DPH6: variants seen among roughly 807,000 people sequenced by gnomAD.
The protein encoded by DPH6 is diphthamine biosynthesis 6.
A neutral mutation model predicts 38.2 loss-of-function variants in DPH6; 33 were observed. The observed-to-expected ratio is 0.86, with a 90% confidence interval of 0.65 to 1.15. The LOEUF (loss-of-function observed/expected upper bound fraction) is 1.15, where lower values mean the gene tolerates loss of function less well. Ranked by LOEUF, DPH6 falls within the 50% of genes most tolerant of loss-of-function variation. The probability of loss-of-function intolerance (pLI) is 0.00; values close to 1 mark genes in which losing one functional copy is unlikely to be tolerated. For synonymous variants in DPH6, 108 were observed against 103.0 expected (o/e 1.05, Z -0.30); for missense variants, 325 against 320.0 (o/e 1.02, Z -0.12).
intron 6 of DPH6, among the ~76,000 whole-genome samples, chr15:35,406,623 G>T (rs1023928687): frequency 3.9e-5 from 6 of 151,918 alleles, no homozygotes; most frequent in African/African-American, 1.2e-4. Flanking sequence ...AAGGACTTAG[G>T]TTCTTAGGAA....
the DPH6 span, among the ~76,000 whole-genome samples, chr15:35,169,036 A>C: frequency 6.6e-6 from 1 of 152,170 alleles, no homozygotes; most frequent in Non-Finnish European, 1.5e-5. Context: ...CTTTAAACAA[A>C]TTAAGTATAT....
intron 3 of DPH6, among the ~76,000 whole-genome samples, chr15:35,288,994 C>T (rs892658991): frequency 6.6e-6 from 1 of 152,044 alleles, no homozygotes; most frequent in African/African-American, 2.4e-5. Context: ...AAATAAAAGG[C>T]TTTTGGGGGT....
intron 3 of DPH6, among the ~76,000 whole-genome samples, chr15:35,533,095 G>A (rs1595449239): frequency 1.5e-5 from 2 of 134,536 alleles, no homozygotes; most frequent in South Asian, 2.9e-4. Context: ...TGACAAGAGC[G>A]ACACTCAGTC....
chr15:35,274,901 C>A (rs2051847451), intron 3 of DPH6, among the ~76,000 whole-genome samples: 3 of 151,888 alleles, frequency 2.0e-5, no homozygotes, highest in African/African-American at 7.3e-5. Context: ...GGTATATACC[C>A]AAAGAACTAT....
chr15:35,470,027 G>A (rs1446167460), intron 3 of DPH6, among the ~76,000 whole-genome samples: 8 of 152,038 alleles, frequency 5.3e-5, no homozygotes, highest in Admixed American at 5.2e-4. Context: ...GCGAAACCCT[G>A]TCTCTACTAA....
intron 6 of DPH6, among the ~76,000 whole-genome samples, chr15:35,395,679 T>C (rs1008768116): frequency 6.6e-6 from 1 of 152,222 alleles, no homozygotes; most frequent in African/African-American, 2.4e-5. Flanking sequence ...CTCCAGGTCA[T>C]GTGGGCATCT....
chr15:35,410,080 G>T (rs1381162124), intron 6 of DPH6, among the ~76,000 whole-genome samples: 6 of 151,740 alleles, frequency 4.0e-5, no homozygotes, highest in Admixed American at 4.0e-4. Context: ...CACAGCAGTG[G>T]TATTAACAAA....
At chr15:35,444,571 A>G (rs2053826504) in intron 5 of DPH6, among the ~76,000 whole-genome samples, 2 of 152,200 alleles carry the variant, frequency 1.3e-5, no homozygotes, top group South Asian at 4.1e-4. Flanking sequence ...TAGCTTGGCT[A>G]CTAGAACTGC....
rs1334637909 is a variant in DPH6 at position 35,538,409 on chromosome 15, G to T, written c.177C>A (p.Asp59Glu). ...GAAGAGCCATTGCTTCTGCATACAA[G>T]TCAATGGCATGGTGCCCCACTGTCT... ...MYQTVGHHAI[D>E]LYAEAMALPL... The change falls in exon 3 of 9, where the codon GAC becomes GAA. Residue 59 changes from aspartate (D) to glutamate (E), a missense_variant. Coordinates refer to ENST00000256538, the MANE Select transcript of DPH6 (RefSeq NM_080650.4). The T allele has an allele frequency of 6.2e-7, 1 of 1,606,460 alleles. No homozygotes were observed. The highest frequency in any genetic ancestry group is 8.5e-7 in the Non-Finnish European group (1 of 1,174,670).
intron 3 of DPH6, among the ~76,000 whole-genome samples, chr15:35,473,758 C>G (rs1034430518): frequency 6.6e-6 from 1 of 152,004 alleles, no homozygotes; most frequent in Non-Finnish European, 1.5e-5. Context: ...TGGGTACAAC[C>G]TAAATGCTCC....
intron 3 of DPH6, among the ~76,000 whole-genome samples, chr15:35,356,707 C>T (rs1595497882): frequency 6.6e-6 from 1 of 152,160 alleles, no homozygotes; most frequent in African/African-American, 2.4e-5. Flanking sequence ...TGAGGTGCCT[C>T]CCAGTTAGGC....
At chr15:35,474,483 T>C (rs2054240953) in intron 3 of DPH6, among the ~76,000 whole-genome samples, 1 of 152,138 alleles carries the variant, frequency 6.6e-6, no homozygotes, top group Non-Finnish European at 1.5e-5. Context: ...AGGCAGACTC[T>C]AGTTTCCAGA....
intron 3 of DPH6, among the ~76,000 whole-genome samples, chr15:35,346,322 A>G (rs952494068): frequency 6.6e-6 from 1 of 152,058 alleles, no homozygotes; most frequent in African/African-American, 2.4e-5. Context: ...ACTTAGTAAT[A>G]GATTTAACTT....
At chr15:35,504,840 G>A (rs1022000156) in intron 3 of DPH6, among the ~76,000 whole-genome samples, 3 of 151,982 alleles carry the variant, frequency 2.0e-5, no homozygotes, top group Non-Finnish European at 4.4e-5. Context: ...AAGTGCCAGT[G>A]AACAAAGAAC....
At chr15:35,525,949 G>C (rs570246172) in intron 3 of DPH6, among the ~76,000 whole-genome samples, 77 of 152,232 alleles carry the variant, frequency 5.1e-4, no homozygotes, top group African/African-American at 1.7e-3. Context: ...CTATCTTAAA[G>C]TAGTGCATTA....
chr15:35,458,541 C>T (rs576353697), intron 3 of DPH6, among the ~76,000 whole-genome samples: 13 of 152,238 alleles, frequency 8.5e-5, no homozygotes, highest in South Asian at 2.1e-4. Flanking sequence ...TAGCTAGGTT[C>T]GGGTCCTGAT....
At chr15:35,540,442 G>A (rs569852992) in intron 2 of DPH6, among the ~76,000 whole-genome samples, 2 of 152,078 alleles carry the variant, frequency 1.3e-5, no homozygotes, top group South Asian at 4.1e-4. Context: ...TCCTCACTAA[G>A]GTTTCTTTCA....
At chr15:35,512,879 A>T (rs1033805350) in intron 3 of DPH6, among the ~76,000 whole-genome samples, 3 of 152,132 alleles carry the variant, frequency 2.0e-5, no homozygotes, top group African/African-American at 7.2e-5. Flanking sequence ...CATCCTAAGG[A>T]ATTAACTTTT....
chr15:35,478,934 TA>T (rs1280742158), intron 3 of DPH6, among the ~76,000 whole-genome samples: 1 of 152,032 alleles, frequency 6.6e-6, no homozygotes, highest in African/African-American at 2.4e-5. Context: ...GGCTATTTTA[TA>T]AACTGATATA....
Sources: allele counts gnomAD v4.1 joint callset (sites outside exome capture counted in the v4.1 genomes callset), GRCh38; gene constraint gnomAD v4.1.1; transcripts MANE v1.5; gene names NCBI Gene and HGNC (gene_info 2026-07-23, HGNC 2026-07-21).